SI: variants seen among roughly 807,000 people sequenced by gnomAD.
The protein encoded by SI is sucrase-isomaltase, intestinal.
A neutral mutation model predicts 253.3 loss-of-function variants in SI; 235 were observed. The observed-to-expected ratio is 0.93, with a 90% confidence interval of 0.83 to 1.03. The LOEUF (loss-of-function observed/expected upper bound fraction) is 1.03. SI is among the 50% of genes least tolerant of loss of function. The pLI is 0.00. For synonymous variants in SI, 819 were observed against 712.0 expected (o/e 1.15, Z -2.39); for missense variants, 2,442 against 2,211.1 (o/e 1.10, Z -2.09).
intron 41 of SI, among the ~76,000 whole-genome samples, chr3:164,993,598 C>CA (rs1717874203): frequency 6.7e-6 from 1 of 148,238 alleles, no homozygotes; most frequent in Admixed American, 6.7e-5. Context: ...TGTGATTATT[C>CA]GGGGTTTTTT....
chr3:164,987,705 CA>C (rs112252307), intron 44 of SI, among the ~76,000 whole-genome samples: 31 of 148,950 alleles, frequency 2.1e-4, no homozygotes, highest in African/African-American at 5.1e-4. Flanking sequence ...AAGACTCCAT[CA>C]AAAAAAAAAT....
the SI span, among the ~76,000 whole-genome samples, chr3:165,084,841 T>G: frequency 6.6e-6 from 1 of 152,068 alleles, no homozygotes; most frequent in Non-Finnish European, 1.5e-5. Context: ...GTTATTAACT[T>G]ATACATTCCT....
chr3:165,047,206 G>A (rs532642885), intron 15 of SI, among the ~76,000 whole-genome samples, 194 bp from the exon 16 acceptor site: 1 of 152,134 alleles, frequency 6.6e-6, no homozygotes, highest in South Asian at 2.1e-4. Context: ...ATTGAATTAT[G>A]GGGGTGGGTC....
At position 165,030,882 on chromosome 3, in the gene SI, A is replaced by AG. The variant is rs752356211; in HGVS notation, c.2737-16_2737-15insC. Reference sequence around the variant, plus strand: ...ATTAGGAGAACCTTTGAAGACAAAAAAAAAAAAAGAAAAAAAGAAAAAAAA... The same window carrying AG: ...ATTAGGAGAACCTTTGAAGACAAAAAGAAAAAAAAGAAAAAAAGAAAAAAAA... On this transcript the variant is annotated splice_polypyrimidine_tract_variant and intron_variant, in intron 24 of 47. Coordinates refer to ENST00000264382, the MANE Select transcript of SI (RefSeq NM_001041.4). 2.6e-6 allele frequency: 4 copies of AG among 1,538,686 alleles called. No homozygotes were observed. Among genetic ancestry groups the AG allele is most frequent in the Non-Finnish European group, 3.5e-6 (4 of 1,147,464 alleles).
At chr3:165,040,698 C>T (rs888608203) in intron 18 of SI, among the ~76,000 whole-genome samples, 1 of 151,802 alleles carries the variant, frequency 6.6e-6, no homozygotes, top group Non-Finnish European at 1.5e-5. Flanking sequence ...ATATAATATC[C>T]TAACATATTT....
intron 9 of SI, among the ~76,000 whole-genome samples, chr3:165,060,776 A>G (rs569207128): frequency 6.7e-6 from 1 of 148,620 alleles, no homozygotes; most frequent in East Asian, 2.0e-4. Flanking sequence ...ATCATACTCA[A>G]CATAATAAAT....
intron 25 of SI, among the ~76,000 whole-genome samples, chr3:165,026,132 G>A (rs137885986): frequency 5.5e-4 from 83 of 151,112 alleles, no homozygotes; most frequent in African/African-American, 1.9e-3. Flanking sequence ...AGATAAAGGG[G>A]TAGAAAAAAA....
At chr3:165,047,067 AT>A in intron 15 of SI, 55 bp from the exon 16 acceptor site, 1 of 1,365,654 alleles carries the variant, frequency 7.3e-7, no homozygotes, top group South Asian at 1.3e-5. Flanking sequence ...TAAAGTTGGT[AT>A]TTAAATTCTA....
At chr3:165,075,134 G>A (rs910582761) in intron 2 of SI, among the ~76,000 whole-genome samples, 2 of 151,894 alleles carry the variant, frequency 1.3e-5, no homozygotes. Context: ...GAGAAAGCTG[G>A]AATAGCGAAG....
At chr3:164,996,504 A>C (rs373292945) in intron 40 of SI, 31 bp downstream of exon 40, 3 of 1,170,500 alleles carry the variant, frequency 2.6e-6, no homozygotes, top group Admixed American at 3.4e-5. Context: ...CAAGTAAGAA[A>C]ATACTGAAAG....
rs11452619 is a variant in SI at position 165,030,877 on chromosome 3, C to CAA, written c.2737-12_2737-11dup. Reference sequence around the variant, plus strand: ...CTGCAATTAGGAGAACCTTTGAAGACAAAAAAAAAAAAAGAAAAAAAGAAA... The same window carrying CAA: ...CTGCAATTAGGAGAACCTTTGAAGACAAAAAAAAAAAAAAAGAAAAAAAGAAA... On this transcript the variant is annotated splice_polypyrimidine_tract_variant and intron_variant, in intron 24 of 47. Transcript: ENST00000264382. 20,372 of 1,201,872 alleles carry CAA rather than the reference C, an allele frequency of 0.017. 15 individuals are homozygous for CAA. Among genetic ancestry groups the CAA allele is most frequent in the Middle Eastern group, 0.021 (66 of 3,082 alleles). 74.5% of individuals were successfully genotyped at this position (1,201,872 alleles called of 1,614,324 possible).
intron 31 of SI, among the ~76,000 whole-genome samples, chr3:165,017,296 A>C (rs889382853): frequency 6.6e-6 from 1 of 151,980 alleles, no homozygotes; most frequent in Non-Finnish European, 1.5e-5. Context: ...AATCAAGTGC[A>C]CAGTGACTTG....
rs145661286 is a variant in SI, at chr3:165,031,110, T to C, written c.2737-243A>G. The stretch of plus-strand genomic sequence containing the variant: ...GTATATATATACATATATGTACATA[T>C]GTCACACACATAGAATTATGTCTAT... On this transcript the variant is annotated intron_variant, in intron 24 of 47. Transcript: ENST00000264382. 2.6e-3 allele frequency among the ~76,000 whole-genome samples: 390 copies of C among 149,646 alleles called. 3 individuals are homozygous for C. The highest frequency in any genetic ancestry group is 0.019 in the South Asian group (92 of 4,810).
chr3:164,979,222 C>G lies in SI; in HGVS notation c.*140G>C, dbSNP rs537069984. The G allele has an allele frequency of 2.9e-5, 20 of 681,722 alleles. No homozygotes were observed. The highest frequency in any genetic ancestry group is 4.6e-5 in the Non-Finnish European group (17 of 371,824). The allele number at this position is 681,722 out of a possible 1,614,324, so 42.2% of individuals were successfully genotyped here. On this transcript the variant is annotated 3_prime_UTR_variant, in exon 48 of 48. Coordinates refer to ENST00000264382, the MANE Select transcript of SI (RefSeq NM_001041.4). ...TAAAATTAGCATTATCATTGATGTA[C>G]GCTACAAAATAACTTTTCGATGTTA...
At chr3:165,055,068 A>G (rs926151164) in intron 13 of SI, 126 bp downstream of exon 13, 14 of 639,172 alleles carry the variant, frequency 2.2e-5, no homozygotes, top group Admixed American at 1.1e-4. Context: ...GGGAAAAAAC[A>G]TTATAGTAGC....
chr3:165,056,413 C>T (rs1269621019), intron 12 of SI, among the ~76,000 whole-genome samples: 1 of 152,068 alleles, frequency 6.6e-6, no homozygotes, highest in African/African-American at 2.4e-5. Flanking sequence ...GAACAACTAC[C>T]CATACACAAA....
rs970245570 is a variant in SI at position 165,047,797 on chromosome 3, A to C, written c.1716-785T>G. Reference sequence around the variant, plus strand: ...ATTATATATTTATTTCGACATTTTCAAATATTAGCAGGCAAGGTTGGGATA... The same window carrying C: ...ATTATATATTTATTTCGACATTTTCCAATATTAGCAGGCAAGGTTGGGATA... On this transcript the variant is annotated intron_variant, in intron 15 of 47. Transcript: ENST00000264382. 2.0e-5 allele frequency among the ~76,000 whole-genome samples: 3 copies of C among 151,390 alleles called. No homozygotes were observed. The Admixed American group carries it at 2.0e-4, about 10-fold the overall frequency.
At chr3:165,000,927 A>G (rs1469853592) in intron 37 of SI, among the ~76,000 whole-genome samples, 1 of 151,372 alleles carries the variant, frequency 6.6e-6, no homozygotes, top group Non-Finnish European at 1.5e-5. Flanking sequence ...TTTTCTTGAA[A>G]TATATTTTAA....
At chr3:165,033,472 C>T (rs925245029) in intron 22 of SI, 28 bp from the exon 23 acceptor site, 20 of 1,496,122 alleles carry the variant, frequency 1.3e-5, no homozygotes, top group African/African-American at 1.3e-4. Flanking sequence ...GTGATCAGTA[C>T]AAAATGCAAT....
Sources: gnomAD v4.1 joint callset for allele counts (sites outside exome capture counted in the v4.1 genomes callset) on GRCh38, gnomAD v4.1.1 for gene constraint, MANE v1.5 for transcripts, NCBI Gene and HGNC (gene_info 2026-07-23, HGNC 2026-07-21) for gene names.